Variants in OPRM1 observed in about 807,000 individuals in gnomAD.
The protein encoded by OPRM1 is mu-type opioid receptor.
Under a neutral mutation model 31.8 loss-of-function variants are expected in OPRM1, and 27 were observed. That is an observed-to-expected ratio of 0.85 (90% CI 0.63 to 1.17). The LOEUF (loss-of-function observed/expected upper bound fraction) is 1.17. Among genes scored for constraint, OPRM1 ranks in the 50% most tolerant of loss-of-function variants. The pLI is 0.00. For missense variants in OPRM1, 536 were observed against 511.1 expected, an observed-to-expected ratio of 1.05 and a Z score of -0.47; for synonymous variants, 196 against 189.9, an observed-to-expected ratio of 1.03 and a Z score of -0.26.
At chr6:154,118,565 A>G in intron 3 of OPRM1, 118 bp from the exon 4 acceptor site, 2 of 842,836 alleles carry the variant, frequency 2.4e-6, no homozygotes, top group Non-Finnish European at 3.8e-6. Context: ...TGAGGCTTGC[A>G]GGTGAAAGTA....
At chr6:154,177,148 T>G (rs1800400814) in intron 3 of OPRM1, among the ~76,000 whole-genome samples, 2 of 152,184 alleles carry the variant, frequency 1.3e-5, no homozygotes, top group Admixed American at 6.5e-5. Context: ...CAAGATGGAT[T>G]AAAGACTTAA....
At chr6:154,040,256 T>A (rs1281661666) in intron 1 of OPRM1, among the ~76,000 whole-genome samples, 1 of 152,022 alleles carries the variant, frequency 6.6e-6, no homozygotes, top group Admixed American at 6.5e-5. Context: ...TTTCCCAAAT[T>A]TGGTTGGGGC....
At chr6:154,225,789 C>T (rs879480343) in intron 3 of OPRM1, among the ~76,000 whole-genome samples, 4 of 152,164 alleles carry the variant, frequency 2.6e-5, no homozygotes, top group Admixed American at 6.5e-5. Context: ...TAGGCTAAGG[C>T]GTTTTTATGT....
chr6:154,219,341 A>AGGAATCAGCCACAGAATGAGTG (rs1211901518), intron 3 of OPRM1, among the ~76,000 whole-genome samples: 1 of 152,212 alleles, frequency 6.6e-6, no homozygotes, highest in Non-Finnish European at 1.5e-5. Flanking sequence ...ACTACTTGCA[A>AGGAATCAGCCACAGAATGAGTG]GGAATCAGCC....
intron 1 of OPRM1, among the ~76,000 whole-genome samples, chr6:154,042,857 T>C (rs1188763957): frequency 6.6e-6 from 1 of 152,084 alleles, no homozygotes; most frequent in African/African-American, 2.4e-5. Context: ...TTTTAGAAAA[T>C]GTGATGAAAA....
chr6:154,148,769 T>C (rs886363952), intron 3 of OPRM1, among the ~76,000 whole-genome samples: 4 of 152,216 alleles, frequency 2.6e-5, no homozygotes, highest in African/African-American at 9.6e-5. Flanking sequence ...CGTGGAAGGC[T>C]TTCCATTCAT....
chr6:154,089,024 C>T (rs1294840565), intron 1 of OPRM1, among the ~76,000 whole-genome samples: 1 of 152,184 alleles, frequency 6.6e-6, no homozygotes, highest in Non-Finnish European at 1.5e-5. Flanking sequence ...CCACATCTTA[C>T]TCCTACTATT....
intron 3 of OPRM1, among the ~76,000 whole-genome samples, chr6:154,190,009 T>C (rs779736197): frequency 3.3e-5 from 5 of 152,046 alleles, no homozygotes; most frequent in Non-Finnish European, 7.3e-5. Flanking sequence ...CAATTATAGG[T>C]AAGAAATTAA....
intron 3 of OPRM1, among the ~76,000 whole-genome samples, chr6:154,103,227 G>T (rs181570385): frequency 6.6e-6 from 1 of 152,074 alleles, no homozygotes; most frequent in Non-Finnish European, 1.5e-5. Flanking sequence ...TGAGGGTAAA[G>T]AAATAGAATC....
chr6:154,230,771 G>A (rs1439196170), intron 3 of OPRM1, among the ~76,000 whole-genome samples: 6 of 152,030 alleles, frequency 3.9e-5, no homozygotes, highest in Non-Finnish European at 8.8e-5. Context: ...TCTGAAATCA[G>A]AAGACACCTT....
chr6:154,041,392 G>A (rs73788981), intron 1 of OPRM1, among the ~76,000 whole-genome samples: 8,399 of 152,134 alleles, frequency 0.055, 750 homozygotes, highest in African/African-American at 0.19. Context: ...TAAAAACCAA[G>A]TTTAATTTTG....
chr6:154,099,659 G>A (rs199808424), intron 3 of OPRM1, among the ~76,000 whole-genome samples: 38 of 143,914 alleles, frequency 2.6e-4, no homozygotes, highest in Admixed American at 4.8e-4. Context: ...ATACACACAT[G>A]TATATACATA....
chr6:154,078,893 A>AT (rs1562435869), intron 1 of OPRM1, among the ~76,000 whole-genome samples: 3 of 152,120 alleles, frequency 2.0e-5, no homozygotes, highest in African/African-American at 7.2e-5. Flanking sequence ...GGGGAAAAAA[A>AT]ATCATCCTAA....
intron 3 of OPRM1, chr6:154,093,410 TC>T: frequency 6.2e-7 from 1 of 1,614,122 alleles, no homozygotes. Context: ...GAAATACTGC[TC>T]CCAGCCCGTC....
intron 3 of OPRM1, among the ~76,000 whole-genome samples, chr6:154,147,505 A>G (rs1217692827): frequency 6.6e-6 from 1 of 152,150 alleles, no homozygotes; most frequent in Non-Finnish European, 1.5e-5. Flanking sequence ...GCCCCTGTTC[A>G]CCATATACTT....
chr6:154,015,031 A>T (rs1777928006), intron 1 of OPRM1, among the ~76,000 whole-genome samples: 5 of 109,662 alleles, frequency 4.6e-5, no homozygotes, highest in African/African-American at 1.3e-4. Flanking sequence ...CAAAGACACA[A>T]AAGTAAACTT....
chr6:154,011,120 A>G (rs983626577), intron 1 of OPRM1: 1 of 1,049,788 alleles, frequency 9.5e-7, no homozygotes. Flanking sequence ...TAAATGCTAT[A>G]CATTCTACCT....
At chr6:154,197,917 CT>C (rs1377758537) in intron 3 of OPRM1, among the ~76,000 whole-genome samples, 1 of 152,092 alleles carries the variant, frequency 6.6e-6, no homozygotes, top group Non-Finnish European at 1.5e-5. Context: ...AGATGTAGTA[CT>C]TTTTATTATT....
intron 3 of OPRM1, among the ~76,000 whole-genome samples, chr6:154,111,246 T>A (rs568494768): frequency 1.3e-5 from 2 of 152,274 alleles, no homozygotes; most frequent in South Asian, 4.1e-4. Context: ...TACATGGAGA[T>A]CTTTGCCTAT....
Sources: gnomAD v4.1 joint callset for allele counts (sites outside exome capture counted in the v4.1 genomes callset) on GRCh38, gnomAD v4.1.1 for gene constraint, MANE v1.5 for transcripts, NCBI Gene and HGNC (gene_info 2026-07-23, HGNC 2026-07-21) for gene names.